The following CADPS variants were observed in gnomAD, a reference collection of about 807,000 sequenced individuals.
CADPS encodes calcium-dependent secretion activator 1.
CADPS carries 57 observed loss-of-function variants against 167.3 expected under a neutral mutation model. That is an observed-to-expected ratio of 0.34 (90% confidence interval 0.28 to 0.42). The LOEUF is 0.42. Ranked by LOEUF, CADPS falls within the 20% of genes least tolerant of loss-of-function variation. The pLI is 1.00. For synonymous variants in CADPS, 676 were observed against 635.3 expected (o/e 1.06, Z -0.96); for missense variants, 1,414 against 1,738.1 (o/e 0.81, Z 3.32).
At chr3:62,851,731 G>C (rs1261834467) in intron 1 of CADPS, among the ~76,000 whole-genome samples, 1 of 148,112 alleles carries the variant, frequency 6.8e-6, no homozygotes, top group Non-Finnish European at 1.5e-5. Flanking sequence ...TTCAACTTTG[G>C]TGAATCTGAC....
intron 1 of CADPS, chr3:62,814,388 G>T (rs903685201): frequency 6.6e-6 from 1 of 152,044 alleles, no homozygotes; most frequent in African/African-American, 2.4e-5. Flanking sequence ...ACACATGCTC[G>T]CTCACTTGGG....
chr3:62,449,895 A>T (rs1376957688), intron 26 of CADPS, among the ~76,000 whole-genome samples: 4 of 152,102 alleles, frequency 2.6e-5, no homozygotes, highest in African/African-American at 9.7e-5. Flanking sequence ...AGCTAGGTTA[A>T]AACTCTGGCT....
rs1024861214 is a variant in CADPS at position 62,642,692 on chromosome 3, T to G, written c.1325+3030A>C. Among the ~76,000 whole-genome samples the G allele has an allele frequency of 2.6e-5, 4 of 152,138 alleles. No individual in the cohort carries two copies. In the East Asian group the frequency reaches 7.7e-4, roughly 29 times the overall value. The stretch of plus-strand genomic sequence containing the variant: ...GAGGATGAGGCGGGGGCAGGTCACT[T>G]GAGCCCAAGAGTTCGAGACCAGCCT... On this transcript the variant is annotated intron_variant, in intron 6 of 29. Coordinates refer to ENST00000383710, the MANE Select transcript of CADPS (RefSeq NM_003716.4).
chr3:62,845,959 T>C (rs556200365), intron 1 of CADPS, among the ~76,000 whole-genome samples: 15 of 152,076 alleles, frequency 9.9e-5, no homozygotes, highest in East Asian at 1.9e-4. Context: ...TGGGAGGTGA[T>C]TGGTTTAGGG....
At chr3:62,826,840 C>T (rs2074142840) in intron 1 of CADPS, among the ~76,000 whole-genome samples, 2 of 152,302 alleles carry the variant, frequency 1.3e-5, no homozygotes, top group Admixed American at 1.3e-4. Flanking sequence ...TTAGGTGCAG[C>T]ATCTCTAACC....
intron 3 of CADPS, among the ~76,000 whole-genome samples, chr3:62,667,037 GTTTTTTT>G (rs35606285): frequency 7.5e-6 from 1 of 133,730 alleles, no homozygotes; most frequent in Non-Finnish European, 1.6e-5. Context: ...TTCCAATCTT[GTTTTTTT>G]TTTTTTTTTT....
intron 1 of CADPS, among the ~76,000 whole-genome samples, chr3:62,845,489 T>A (rs565248731): frequency 6.6e-6 from 1 of 152,278 alleles, no homozygotes; most frequent in South Asian, 2.1e-4. Context: ...TAAATAAAGT[T>A]ATGAGGCCCA....
intron 6 of CADPS, among the ~76,000 whole-genome samples, chr3:62,612,034 G>C (rs2061574493): frequency 6.6e-6 from 1 of 152,156 alleles, no homozygotes; most frequent in African/African-American, 2.4e-5. Flanking sequence ...GTCAATGTCA[G>C]ACACACTGCA....
At chr3:62,566,262 G>C (rs2080173621) in intron 9 of CADPS, among the ~76,000 whole-genome samples, 4 of 152,224 alleles carry the variant, frequency 2.6e-5, no homozygotes, top group Admixed American at 2.6e-4. Flanking sequence ...TCTGCAAATT[G>C]AACCAGGGTG....
chr3:62,503,172 G>T (rs894970288), intron 17 of CADPS, among the ~76,000 whole-genome samples: 2 of 151,612 alleles, frequency 1.3e-5, no homozygotes, highest in Non-Finnish European at 2.9e-5. Context: ...GATACACTTC[G>T]TACAATGAAG....
intron 1 of CADPS, among the ~76,000 whole-genome samples, chr3:62,799,886 A>G (rs893840011): frequency 2.0e-5 from 3 of 152,162 alleles, no homozygotes; most frequent in African/African-American, 7.2e-5. Context: ...CCTTTCAAGG[A>G]TATTTACATG....
chr3:62,607,942 G>C (rs2060918481), intron 6 of CADPS, among the ~76,000 whole-genome samples: 1 of 152,236 alleles, frequency 6.6e-6, no homozygotes, highest in Non-Finnish European at 1.5e-5. Flanking sequence ...AGTAAGGACT[G>C]AGGTGTTGTC....
intron 1 of CADPS, among the ~76,000 whole-genome samples, chr3:62,809,540 C>G (rs2094292947): frequency 6.6e-6 from 1 of 152,146 alleles, no homozygotes; most frequent in South Asian, 2.1e-4. Context: ...CAGGTTTCAG[C>G]CTAATTGTCA....
intron 1 of CADPS, among the ~76,000 whole-genome samples, chr3:62,781,436 G>A (rs2091586259): frequency 6.6e-6 from 1 of 152,080 alleles, no homozygotes; most frequent in Admixed American, 6.6e-5. Context: ...TTTGAAGTTG[G>A]GTGTGAAGCC....
At chr3:62,641,591 G>A (rs1248927388) in intron 6 of CADPS, among the ~76,000 whole-genome samples, 1 of 152,128 alleles carries the variant, frequency 6.6e-6, no homozygotes, top group Non-Finnish European at 1.5e-5. Flanking sequence ...AGGATTTCAA[G>A]CACTTCTGCC....
At chr3:62,698,702 TTCCTC>T (rs1563999081) in intron 3 of CADPS, among the ~76,000 whole-genome samples, 1 of 149,324 alleles carries the variant, frequency 6.7e-6, no homozygotes, top group African/African-American at 2.5e-5. Flanking sequence ...CTTCTCCTTC[TTCCTC>T]TCCTTTCCTT....
intron 3 of CADPS, among the ~76,000 whole-genome samples, chr3:62,690,687 T>C (rs2151278759): frequency 6.6e-6 from 1 of 151,878 alleles, no homozygotes; most frequent in South Asian, 2.1e-4. Flanking sequence ...CCTAAATTAA[T>C]GCTTAAGCTG....
chr3:62,455,820 T>C lies in CADPS; in HGVS notation c.3636+9547A>G, dbSNP rs1189323264. ...TTTGGTGCTGAGCAAGTGAGGGCTATATTGTTGTTACTGAATAGTAATGCT... is the reference window on the plus strand; with the variant it reads ...TTTGGTGCTGAGCAAGTGAGGGCTACATTGTTGTTACTGAATAGTAATGCT... On this transcript the variant is annotated intron_variant, in intron 26 of 29. Coordinates refer to ENST00000383710, the MANE Select transcript of CADPS (RefSeq NM_003716.4). This position sits in a 1 kb window ranked among gnomAD's most constrained non-coding sequence, Gnocchi z 4.4. 6.6e-6 allele frequency among the ~76,000 whole-genome samples: 1 copy of C among 152,180 alleles called. No individual in the cohort carries two copies. Among genetic ancestry groups the C allele is most frequent in the Non-Finnish European group, 1.5e-5 (1 of 68,034 alleles).
intron 1 of CADPS, among the ~76,000 whole-genome samples, chr3:62,814,856 C>A (rs767079618): frequency 6.6e-6 from 1 of 152,092 alleles, no homozygotes; most frequent in African/African-American, 2.4e-5. Context: ...GTTTTTATTA[C>A]GTTAAAGATC....
Sources: allele counts gnomAD v4.1 joint callset (sites outside exome capture counted in the v4.1 genomes callset), GRCh38; gene constraint gnomAD v4.1.1; non-coding constraint Gnocchi (gnomAD v3.1); transcripts MANE v1.5; gene names NCBI Gene and HGNC (gene_info 2026-07-23, HGNC 2026-07-21).